The following WDR47 variants were observed in gnomAD, a reference collection of about 807,000 sequenced individuals.
WDR47 encodes WD repeat-containing protein 47.
A neutral mutation model predicts 97.2 loss-of-function variants in WDR47; 32 were observed. The ratio of observed to expected loss-of-function variants is 0.33; its 90% CI spans 0.25 to 0.44. WDR47 has a LOEUF of 0.44. Ranked by LOEUF, WDR47 falls within the 20% of genes least tolerant of loss-of-function variation. WDR47 has a pLI of 1.00. For missense variants in WDR47, 782 were observed against 1,102.3 expected (o/e 0.71, Z 4.11); for synonymous variants, 375 against 373.5 (o/e 1.00, Z -0.05).
chr1:109,001,167 T>C (rs1660154911), intron 7 of WDR47, among the ~76,000 whole-genome samples: 1 of 152,026 alleles, frequency 6.6e-6, no homozygotes. Context: ...CACACGCCTA[T>C]AATCCCAGCT....
At chr1:108,986,378 G>A in intron 10 of WDR47, 145 bp downstream of exon 10, 2 of 673,730 alleles carry the variant, frequency 3.0e-6, no homozygotes, top group East Asian at 6.0e-5. Context: ...AGTAAAAACA[G>A]TTATTTTATA....
At position 108,995,629 on chromosome 1, in the gene WDR47, A is replaced by G; in HGVS notation, c.1642T>C (p.Ser548Pro). The part of the protein sequence containing the change: ...IHTSTPRNPG[S>P]TNHIPFLEES... ...TCCAGAAAAGGTATGTGATTTGTTGATCCAGGATTACGAGGAGTGCTTGTA... is the reference window on the plus strand; with the variant it reads ...TCCAGAAAAGGTATGTGATTTGTTGGTCCAGGATTACGAGGAGTGCTTGTA... Residue 548 changes from serine (S) to proline (P), a missense_variant, in exon 8 of 15, where the codon TCA becomes CCA. Ser to Pro is a moderately conservative substitution (Grantham distance 74). Coordinates refer to ENST00000369962, the MANE Select transcript of WDR47 (RefSeq NM_001142551.2). The G allele has an allele frequency of 6.2e-7, 1 of 1,614,134 alleles. No homozygotes were observed. Among genetic ancestry groups the G allele is most frequent in the South Asian group, 1.1e-5 (1 of 91,082 alleles).
In WDR47 at chr1:109,005,995, T is replaced by C. The variant is rs956420264; in HGVS notation, c.1131-1280A>G. Among the ~76,000 whole-genome samples, 4 of 152,320 alleles carry C rather than the reference T, an allele frequency of 2.6e-5. No individual in the cohort carries two copies. In the South Asian group the frequency reaches 6.2e-4, roughly 24 times the overall value. On this transcript the variant is annotated intron_variant, in intron 5 of 14. Coordinates refer to ENST00000369962, the MANE Select transcript of WDR47 (RefSeq NM_001142551.2). ...ACAAATAATAGGTTGGATAATACAATGCCTAAATTATCTTTATAAAATATA... is the reference window on the plus strand; with the variant it reads ...ACAAATAATAGGTTGGATAATACAACGCCTAAATTATCTTTATAAAATATA...
chr1:108,975,111 A>G (rs989677449), intron 13 of WDR47, among the ~76,000 whole-genome samples: 1 of 152,088 alleles, frequency 6.6e-6, no homozygotes, highest in Non-Finnish European at 1.5e-5. Flanking sequence ...CCCAGCTAAG[A>G]GTGTAGTTAA....
chr1:108,983,792 A>T (rs967619620), intron 10 of WDR47, among the ~76,000 whole-genome samples: 6 of 152,156 alleles, frequency 3.9e-5, no homozygotes, highest in Non-Finnish European at 8.8e-5. Flanking sequence ...ATTTAAAAAA[A>T]AAATGCAATA....
At chr1:108,976,051 C>A (rs563546120) in intron 13 of WDR47, among the ~76,000 whole-genome samples, 1 of 152,136 alleles carries the variant, frequency 6.6e-6, no homozygotes, top group Admixed American at 6.5e-5. Context: ...AAATCTCAAA[C>A]TGCAGAGTTT....
At chr1:109,034,370 T>C (rs1469714267) in intron 1 of WDR47, among the ~76,000 whole-genome samples, 2 of 152,210 alleles carry the variant, frequency 1.3e-5, no homozygotes, top group Non-Finnish European at 2.9e-5. Context: ...AAATAAAAAA[T>C]GTTCCCTGAA....
intron 14 of WDR47, among the ~76,000 whole-genome samples, chr1:108,972,643 T>TA (rs959834770): frequency 1.3e-5 from 2 of 151,668 alleles, no homozygotes. Context: ...ATAAAGCCCT[T>TA]AAAAAAAATG....
rs1158300446 is a variant in WDR47, at chr1:109,023,520, G to C, written c.-8C>G. The C allele has an allele frequency of 6.2e-7, 1 of 1,607,970 alleles. No homozygotes were observed. The highest frequency in any genetic ancestry group is 1.7e-5 in the Admixed American group (1 of 58,854). ...TGTTTCTTCAGCCGTCATATTGATA[G>C]CCTAAATATGAAACAGAAAAACAAT... On this transcript the variant is annotated splice_region_variant and 5_prime_UTR_variant, in exon 2 of 15. Coordinates refer to ENST00000369962, the MANE Select transcript of WDR47 (RefSeq NM_001142551.2).
At chr1:108,978,406 G>A (rs980881582) in intron 13 of WDR47, among the ~76,000 whole-genome samples, 7 of 151,982 alleles carry the variant, frequency 4.6e-5, no homozygotes, top group African/African-American at 1.4e-4. Flanking sequence ...GTGAACCCGG[G>A]AGGCGGAGCT....
In WDR47 at chr1:109,002,271, C is replaced by T. The variant is rs1660270551; in HGVS notation, c.1386G>A (p.Glu462=). 1.9e-6 allele frequency: 3 copies of T among 1,611,712 alleles called. No homozygotes were observed. The highest frequency in any genetic ancestry group is 1.3e-5 in the African/African-American group (1 of 74,928). The change falls in exon 7 of 15, where the codon GAG becomes GAA. Residue 462 remains glutamate, a synonymous_variant. Coordinates refer to ENST00000369962, the MANE Select transcript of WDR47 (RefSeq NM_001142551.2). ...GATTCTGCTGCTGATCAGGACCATC[C>T]TCCTGATTCACGCCTCCTTCAAGCA... The part of the protein sequence containing the change: ...QMLLEGGVNQ[E]DGPDQQQNLT...
At chr1:108,992,828 C>G (rs144418165) in intron 8 of WDR47, 1 of 1,480,954 alleles carries the variant, frequency 6.8e-7, no homozygotes, top group South Asian at 1.1e-5. Context: ...ACTTATGGCA[C>G]GGGAGTAAAT....
intron 1 of WDR47, among the ~76,000 whole-genome samples, chr1:109,033,908 G>C (rs1662767196): frequency 6.6e-6 from 1 of 152,160 alleles, no homozygotes; most frequent in Non-Finnish European, 1.5e-5. Context: ...AACAGAGTGA[G>C]ACTCTGTGTC....
intron 6 of WDR47, among the ~76,000 whole-genome samples, chr1:109,003,090 T>C (rs1660334613): frequency 6.6e-6 from 1 of 152,178 alleles, no homozygotes; most frequent in African/African-American, 2.4e-5. Context: ...TAAAAAAATG[T>C]TCCATGTACA....
At chr1:109,028,386 T>G (rs1435872689) in intron 1 of WDR47, among the ~76,000 whole-genome samples, 1 of 146,240 alleles carries the variant, frequency 6.8e-6, no homozygotes, top group East Asian at 2.0e-4. Context: ...TTTTTTTTTG[T>G]AGAGATTGGG....
At chr1:109,009,022 T>C (rs965292494) in intron 5 of WDR47, among the ~76,000 whole-genome samples, 3 of 151,866 alleles carry the variant, frequency 2.0e-5, no homozygotes, top group Non-Finnish European at 4.4e-5. Flanking sequence ...GAGGCAGAGG[T>C]TGCAGTGAGC....
intron 9 of WDR47, 65 bp downstream of exon 9, chr1:108,991,189 A>G (rs1659320870): frequency 2.7e-6 from 4 of 1,505,892 alleles, no homozygotes; most frequent in Non-Finnish European, 3.7e-6. Context: ...TTTGAATTGA[A>G]AATTTCTTAG....
intron 2 of WDR47, among the ~76,000 whole-genome samples, 177 bp from the exon 3 acceptor site, chr1:109,017,778 G>A (rs1012375690): frequency 2.9e-4 from 43 of 148,020 alleles, no homozygotes; most frequent in Non-Finnish European, 5.6e-4. Context: ...ACAGAGTGTC[G>A]CTCTGTTGCC....
At position 108,991,295 on chromosome 1, in the gene WDR47, C is replaced by T. The variant is rs1166929343; in HGVS notation, c.1726G>A (p.Gly576Arg). The part of the protein sequence containing the change: ...SEHSVIKPPL[G>R]DSPGSLSRSK... ...CTTGAAAGACTCCCTGGAGAATCTC[C>T]AAGAGGTGGCTTAATGACCGAATGT... The change falls in exon 9 of 15, where the codon GGA becomes AGA. Residue 576 changes from glycine to arginine, a missense_variant. Transcript: ENST00000369962. The T allele has an allele frequency of 6.2e-7, 1 of 1,612,544 alleles. No homozygotes were observed. The highest frequency in any genetic ancestry group is 1.7e-5 in the Admixed American group (1 of 59,970).
Sources: allele counts gnomAD v4.1 joint callset (sites outside exome capture counted in the v4.1 genomes callset), GRCh38; gene constraint gnomAD v4.1.1; transcripts MANE v1.5; gene names NCBI Gene and HGNC (gene_info 2026-07-23, HGNC 2026-07-21).